The following SSBP3 variants were observed in gnomAD, a reference collection of about 807,000 sequenced individuals.
SSBP3 encodes the protein single-stranded DNA-binding protein 3.
In SSBP3, 5 loss-of-function variants were observed where a neutral mutation model predicts 69.6. The observed-to-expected ratio is 0.07, with a 90% confidence interval of 0.04 to 0.15. The LOEUF (loss-of-function observed/expected upper bound fraction) is 0.15. Ranked by LOEUF, SSBP3 falls within the 10% of genes least tolerant of loss-of-function variation. The pLI is 1.00. For missense variants in SSBP3, 312 were observed against 534.0 expected (o/e 0.58, Z 4.10); for synonymous variants, 196 against 193.4 (o/e 1.01, Z -0.11).
chr1:54,294,150 AAAAAAAAAAAAAGAAAGAAAG>A (rs1471833497), intron 4 of SSBP3, among the ~76,000 whole-genome samples: 1 of 95,234 alleles, frequency 1.1e-5, no homozygotes, highest in African/African-American at 3.8e-5. Flanking sequence ...CTCAAAAAAA[AAAAAAAAAAAAAGAAAGAAAG>A]AAAGAAAGAA....
intron 7 of SSBP3, among the ~76,000 whole-genome samples, chr1:54,253,198 T>G (rs568765585): frequency 1.4e-3 from 217 of 150,094 alleles, no homozygotes; most frequent in Non-Finnish European, 2.7e-3. Flanking sequence ...TTTTGTTTTT[T>G]TTTTTTTTTA....
chr1:54,359,960 A>G (rs1379548093), intron 4 of SSBP3, among the ~76,000 whole-genome samples: 1 of 152,022 alleles, frequency 6.6e-6, no homozygotes, highest in African/African-American at 2.4e-5. Context: ...TCCCACCACT[A>G]CTGGGTGTGT....
At chr1:54,379,015 ACCGCCTGGCCAGGTCC>A (rs1647412261) in intron 4 of SSBP3, among the ~76,000 whole-genome samples, 1 of 149,480 alleles carries the variant, frequency 6.7e-6, no homozygotes, top group South Asian at 2.2e-4. Flanking sequence ...TGGCCCCGCC[ACCGCCTGGCCAGGTCC>A]CCGCCCCAAC....
chr1:54,257,643 G>T (rs371680405), intron 6 of SSBP3, among the ~76,000 whole-genome samples: 7 of 152,182 alleles, frequency 4.6e-5, no homozygotes, highest in East Asian at 1.9e-4. Flanking sequence ...AGCAAGGACT[G>T]GGGGGGAAAC....
intron 5 of SSBP3, among the ~76,000 whole-genome samples, chr1:54,263,804 C>T (rs570012918): frequency 2.6e-5 from 4 of 152,308 alleles, no homozygotes; most frequent in Non-Finnish European, 5.9e-5. Flanking sequence ...AGGCAGCAGG[C>T]GACCACACTG....
intron 2 of SSBP3, 38 bp downstream of exon 2, chr1:54,404,820 G>A (rs747843583): frequency 3.9e-6 from 4 of 1,014,878 alleles, no homozygotes; most frequent in African/African-American, 3.8e-5. Context: ...GGGGGGGGGG[G>A]TGTCAAGAAA....
At chr1:54,282,471 C>T (rs941323203) in intron 4 of SSBP3, among the ~76,000 whole-genome samples, 15 of 152,222 alleles carry the variant, frequency 9.9e-5, no homozygotes, top group Non-Finnish European at 2.1e-4. Context: ...TTCCTTTTCT[C>T]TTTAAACACT....
chr1:54,366,522 T>A (rs953218267), intron 4 of SSBP3, among the ~76,000 whole-genome samples: 2 of 152,174 alleles, frequency 1.3e-5, no homozygotes, highest in Non-Finnish European at 2.9e-5. Flanking sequence ...GGGGCCTTCA[T>A]TCAGAACTGA....
chr1:54,238,952 C>T (rs566535443), intron 14 of SSBP3, 177 bp downstream of exon 14: 12 of 449,054 alleles, frequency 2.7e-5, no homozygotes, highest in East Asian at 1.1e-4. Context: ...CACCCCCTGC[C>T]GCCCATGAAA....
chr1:54,300,044 T>A (rs781386099), intron 4 of SSBP3, among the ~76,000 whole-genome samples: 1 of 152,098 alleles, frequency 6.6e-6, no homozygotes, highest in Non-Finnish European at 1.5e-5. Flanking sequence ...CAGAACTCAA[T>A]AATCAGTGAC....
At chr1:54,383,809 A>AT (rs557298476) in intron 4 of SSBP3, among the ~76,000 whole-genome samples, 1 of 152,116 alleles carries the variant, frequency 6.6e-6, no homozygotes, top group Non-Finnish European at 1.5e-5. Context: ...AGCCCCCTTT[A>AT]TAAAAAGCAA....
chr1:54,332,115 G>A (rs1646427633), intron 4 of SSBP3, among the ~76,000 whole-genome samples: 1 of 152,232 alleles, frequency 6.6e-6, no homozygotes. Context: ...GTGAAGGGCT[G>A]AGAGTGGATT....
chr1:54,326,302 G>A (rs1646302922), intron 4 of SSBP3: 1 of 152,448 alleles, frequency 6.6e-6, no homozygotes, highest in South Asian at 2.1e-4. Flanking sequence ...CCCATTCCGG[G>A]GGACACCGGA....
At chr1:54,392,404 G>A (rs1046252576) in intron 4 of SSBP3, among the ~76,000 whole-genome samples, 4 of 152,166 alleles carry the variant, frequency 2.6e-5, no homozygotes, top group African/African-American at 7.2e-5. Flanking sequence ...CCCCAAAAAA[G>A]GCAAATACTA....
chr1:54,267,240 C>A (rs758967108), intron 5 of SSBP3, among the ~76,000 whole-genome samples: 1 of 152,210 alleles, frequency 6.6e-6, no homozygotes, highest in African/African-American at 2.4e-5. Flanking sequence ...GGAGATTCTC[C>A]GTGTATTCCA....
At chr1:54,293,840 G>C (rs954591826) in intron 4 of SSBP3, among the ~76,000 whole-genome samples, 2 of 152,208 alleles carry the variant, frequency 1.3e-5, no homozygotes, top group African/African-American at 2.4e-5. Context: ...AATTCTTGCA[G>C]AAATCCTGCT....
intron 14 of SSBP3, among the ~76,000 whole-genome samples, chr1:54,230,090 T>C (rs1644356004): frequency 6.6e-6 from 1 of 152,096 alleles, no homozygotes; most frequent in Admixed American, 6.5e-5. Flanking sequence ...GGTGGCAGCA[T>C]GGCGTGCCAG....
intron 7 of SSBP3, among the ~76,000 whole-genome samples, chr1:54,254,065 G>T (rs1476481411): frequency 6.6e-6 from 1 of 152,208 alleles, no homozygotes; most frequent in Non-Finnish European, 1.5e-5. Context: ...AAGGAAAGGG[G>T]TCTCAAACTA....
chr1:54,241,736 G>C (rs1483968715), intron 11 of SSBP3, among the ~76,000 whole-genome samples: 2 of 152,228 alleles, frequency 1.3e-5, no homozygotes. Flanking sequence ...AGTCCTGGGA[G>C]GGAGCCACAG....
Sources: allele counts gnomAD v4.1 joint callset (sites outside exome capture counted in the v4.1 genomes callset), GRCh38; gene constraint gnomAD v4.1.1; transcripts MANE v1.5; gene names NCBI Gene and HGNC (gene_info 2026-07-23, HGNC 2026-07-21).